Variants in PTPN21 observed in about 807,000 individuals in gnomAD.
PTPN21 encodes the protein protein tyrosine phosphatase non-receptor type 21.
In PTPN21, 77 loss-of-function variants were observed where a neutral mutation model predicts 131.8. The observed-to-expected ratio is 0.58, with a 90% confidence interval of 0.49 to 0.71. The LOEUF (loss-of-function observed/expected upper bound fraction) is 0.71. Among genes scored for constraint, PTPN21 ranks in the 30% least tolerant of loss-of-function variants. The probability of loss-of-function intolerance (pLI) is 0.00; values close to 1 mark genes in which losing one functional copy is unlikely to be tolerated. For missense variants in PTPN21, 1,552 were observed against 1,527.1 expected (o/e 1.02, Z -0.27); for synonymous variants, 715 against 621.3 (o/e 1.15, Z -2.24).
chr14:88,477,962 G>C (rs970243919), intron 13 of PTPN21, among the ~76,000 whole-genome samples: 2 of 152,214 alleles, frequency 1.3e-5, no homozygotes, highest in Non-Finnish European at 2.9e-5. Context: ...CTTCAATGCA[G>C]AACATACATC....
chr14:88,468,982 A>AG lies in PTPN21; in HGVS notation c.3329dup (p.Gly1111TrpfsTer22). On this transcript the variant is annotated frameshift_variant, in exon 18 of 19. Coordinates refer to ENST00000556564, the MANE Select transcript of PTPN21 (RefSeq NM_007039.4). LOFTEE classifies it high-confidence loss of function. The stretch of plus-strand genomic sequence containing the variant: ...TCACCACGCCAGTCCTTCCTACCCC[A>AG]GCACTGCAGTGGACCAACAACGGAG... The AG allele has an allele frequency of 6.2e-7, 1 of 1,614,146 alleles. No individual in the cohort carries two copies. Among genetic ancestry groups the AG allele is most frequent in the South Asian group, 1.1e-5 (1 of 91,076 alleles).
chr14:88,516,424 G>A (rs1181522209), intron 3 of PTPN21, among the ~76,000 whole-genome samples: 1 of 152,090 alleles, frequency 6.6e-6, no homozygotes, highest in Non-Finnish European at 1.5e-5. Flanking sequence ...ACATTAAATA[G>A]GGTTAAAAAG....
chr14:88,476,467 T>C (rs2077548799), intron 13 of PTPN21, among the ~76,000 whole-genome samples: 1 of 152,226 alleles, frequency 6.6e-6, no homozygotes, highest in Non-Finnish European at 1.5e-5. Flanking sequence ...CTGCCTCTTT[T>C]ACAAGGTAAT....
chr14:88,480,245 T>G lies in PTPN21; in HGVS notation c.1186A>C (p.Ser396Arg). The G allele has an allele frequency of 6.2e-7, 1 of 1,614,082 alleles. No homozygotes were observed. The highest frequency in any genetic ancestry group is 2.2e-5 in the East Asian group (1 of 44,892). The change falls in exon 13 of 19, where the codon AGT becomes CGT. Residue 396 changes from serine (S) to arginine (R), a missense_variant. Coordinates refer to ENST00000556564, the MANE Select transcript of PTPN21 (RefSeq NM_007039.4). ...NGRIRNGSVY[S>R]AHSTNSLNNP... ...TTTAAGGAGTTGGTGCTGTGTGCAC[T>G]GTAGACACTGCCATTACGGATCCGA...
chr14:88,536,042 TTC>T (rs1320762715), intron 2 of PTPN21, among the ~76,000 whole-genome samples: 8 of 152,242 alleles, frequency 5.3e-5, no homozygotes, highest in African/African-American at 1.2e-4. Flanking sequence ...TCCACGTGGC[TTC>T]TCTTTCTCCA....
intron 2 of PTPN21, among the ~76,000 whole-genome samples, chr14:88,518,384 G>GTCTATATATA (rs1383018796): frequency 3.8e-4 from 5 of 13,330 alleles, no homozygotes; most frequent in East Asian, 5.4e-3. Flanking sequence ...ATGTGTGTGT[G>GTCTATATATA]TGTATATATA....
At chr14:88,526,373 C>A (rs972729596) in intron 2 of PTPN21, among the ~76,000 whole-genome samples, 26 of 151,720 alleles carry the variant, frequency 1.7e-4, no homozygotes, top group African/African-American at 5.3e-4. Flanking sequence ...CATGGTGAAA[C>A]CCCATTTCTA....
chr14:88,513,089 G>A (rs909521009), intron 3 of PTPN21, among the ~76,000 whole-genome samples: 1 of 151,888 alleles, frequency 6.6e-6, no homozygotes, highest in Admixed American at 6.6e-5. Flanking sequence ...GAGCAATGAG[G>A]TTTTTTTTAA....
At chr14:88,474,141 A>C (rs998164131) in intron 13 of PTPN21, among the ~76,000 whole-genome samples, 8 of 141,624 alleles carry the variant, frequency 5.6e-5, no homozygotes, top group East Asian at 2.0e-4. Flanking sequence ...CAAAAAAAAA[A>C]AAAAAAAAAA....
At chr14:88,506,859 T>G (rs1049958694) in intron 4 of PTPN21, among the ~76,000 whole-genome samples, 1 of 152,032 alleles carries the variant, frequency 6.6e-6, no homozygotes, top group Non-Finnish European at 1.5e-5. Flanking sequence ...CTGGCCAACA[T>G]GGTGAAACCC....
rs369022409 is a variant in PTPN21 at position 88,477,446 on chromosome 14, T to TCAA, written c.2511+1473_2511+1474insTTG. The stretch of plus-strand genomic sequence containing the variant: ...CCTGGGCAACAGGGCAAGACTGTTC[T>TCAA]AAAAAAAAAAAAAAAAAAAAAAAAG... On this transcript the variant is annotated intron_variant, in intron 13 of 18. Transcript: ENST00000556564. 4.7e-3 allele frequency among the ~76,000 whole-genome samples: 362 copies of TCAA among 76,332 alleles called. 6 individuals are homozygous for TCAA. Among genetic ancestry groups the TCAA allele is most frequent in the East Asian group, 8.5e-3 (17 of 1,996 alleles). 50.1% of individuals were successfully genotyped at this position (76,332 alleles called of 152,430 possible). A position where few individuals can be genotyped will look rare whatever the true frequency, so the allele number is the denominator to read the frequency against.
Position 88,467,186 on chromosome 14 carries a change from C to T in PTPN21, c.*951G>A, listed in dbSNP as rs1319046445. On this transcript the variant is annotated 3_prime_UTR_variant, in exon 19 of 19. Coordinates refer to ENST00000556564, the MANE Select transcript of PTPN21 (RefSeq NM_007039.4). ...CCTAGTCATCTTACATACTCTTAGT[C>T]CTTAATCTCTCCCAAAACGCTTCTC... The T allele has an allele frequency of 1.3e-5, 2 of 149,854 alleles. No homozygotes were observed. Among genetic ancestry groups the T allele is most frequent in the Admixed American group, 6.6e-5 (1 of 15,176 alleles). 9.3% of individuals were successfully genotyped at this position (149,854 alleles called of 1,614,324 possible).
chr14:88,551,033 A>C (rs907171499), intron 1 of PTPN21, among the ~76,000 whole-genome samples: 2 of 152,176 alleles, frequency 1.3e-5, no homozygotes, highest in Non-Finnish European at 2.9e-5. Flanking sequence ...AAATGGCCCC[A>C]AAAGAGCTAG....
At chr14:88,506,588 A>G (rs376957979) in intron 4 of PTPN21, among the ~76,000 whole-genome samples, 1 of 152,090 alleles carries the variant, frequency 6.6e-6, no homozygotes, top group African/African-American at 2.4e-5. Context: ...ATCTTTATCT[A>G]TTATGATTGA....
chr14:88,480,874 C>A (rs1167583831), intron 12 of PTPN21, among the ~76,000 whole-genome samples: 1 of 152,200 alleles, frequency 6.6e-6, no homozygotes, highest in Non-Finnish European at 1.5e-5. Context: ...CCAACAGTGT[C>A]ACCAGCAGCC....
intron 2 of PTPN21, among the ~76,000 whole-genome samples, chr14:88,525,351 T>C (rs1296833613): frequency 6.6e-6 from 1 of 151,690 alleles, no homozygotes; most frequent in Non-Finnish European, 1.5e-5. Flanking sequence ...ACTTGAAACG[T>C]ATAAAATGAC....
chr14:88,519,477 G>A (rs2078356410), intron 2 of PTPN21, among the ~76,000 whole-genome samples: 1 of 152,094 alleles, frequency 6.6e-6, no homozygotes, highest in Non-Finnish European at 1.5e-5. Flanking sequence ...AGTATCTAGT[G>A]GCTACTGTAT....
At chr14:88,472,644 AGGATCAC>A (rs2077489401) in intron 14 of PTPN21, among the ~76,000 whole-genome samples, 179 bp from the exon 15 acceptor site, 1 of 152,074 alleles carries the variant, frequency 6.6e-6, no homozygotes, top group Non-Finnish European at 1.5e-5. Flanking sequence ...CCAAGGAGGG[AGGATCAC>A]TTGAGCCTAG....
chr14:88,481,813 C>G (rs2077656819), intron 12 of PTPN21, among the ~76,000 whole-genome samples: 1 of 152,184 alleles, frequency 6.6e-6, no homozygotes, highest in African/African-American at 2.4e-5. Flanking sequence ...GTCTCTCCAC[C>G]TCTCAGAGCA....
Sources: allele counts gnomAD v4.1 joint callset (sites outside exome capture counted in the v4.1 genomes callset), GRCh38; gene constraint gnomAD v4.1.1; transcripts MANE v1.5; gene names NCBI Gene and HGNC (gene_info 2026-07-23, HGNC 2026-07-21).